Variants in ZNF385D observed in about 807,000 individuals in gnomAD.
The protein encoded by ZNF385D is zinc finger protein 659.
A neutral mutation model predicts 35.8 loss-of-function variants in ZNF385D; 15 were observed. The ratio of observed to expected loss-of-function variants is 0.42; its 90% confidence interval spans 0.28 to 0.64. ZNF385D has a LOEUF of 0.64. ZNF385D is among the 30% of genes least tolerant of loss of function. The pLI is 0.23. For missense variants in ZNF385D, 474 were observed against 494.6 expected (o/e 0.96, Z 0.39); for synonymous variants, 212 against 186.8 (o/e 1.13, Z -1.10).
intron 1 of ZNF385D, among the ~76,000 whole-genome samples, chr3:21,740,388 A>G (rs2069454452): frequency 6.6e-6 from 1 of 152,182 alleles, no homozygotes; most frequent in Admixed American, 6.5e-5. Context: ...GTCAGGATCT[A>G]TATTATAATA....
chr3:21,786,149 G>C (rs549889071), intron 3 of ZNF385D, among the ~76,000 whole-genome samples: 30 of 152,134 alleles, frequency 2.0e-4, no homozygotes, highest in African/African-American at 6.5e-4. Flanking sequence ...AACGTAAACA[G>C]AACTGGGACT....
chr3:21,848,855 C>T (rs1373143254), intron 3 of ZNF385D, among the ~76,000 whole-genome samples: 1 of 151,976 alleles, frequency 6.6e-6, no homozygotes, highest in Non-Finnish European at 1.5e-5. Flanking sequence ...AGACTCTAAA[C>T]GTGCTGGCAG....
At chr3:22,277,041 A>G (rs1380954154) in intron 2 of ZNF385D, among the ~76,000 whole-genome samples, 2 of 152,152 alleles carry the variant, frequency 1.3e-5, no homozygotes, top group Non-Finnish European at 2.9e-5. Context: ...CTATTTCCAT[A>G]TCTGTGCTTA....
intron 4 of ZNF385D, among the ~76,000 whole-genome samples, chr3:21,454,150 A>T (rs1702632787): frequency 1.3e-5 from 2 of 152,110 alleles, no homozygotes; most frequent in African/African-American, 2.4e-5. Flanking sequence ...GAATAAGAAC[A>T]TTCATAGAGA....
intron 2 of ZNF385D, among the ~76,000 whole-genome samples, chr3:21,619,013 C>T (rs1388077474): frequency 1.3e-5 from 2 of 152,130 alleles, no homozygotes. Context: ...AAGGAGTGAA[C>T]TTCTCACATC....
chr3:21,950,087 G>A (rs1374885734), intron 3 of ZNF385D, among the ~76,000 whole-genome samples: 2 of 151,856 alleles, frequency 1.3e-5, no homozygotes, highest in East Asian at 3.9e-4. Context: ...TGGGATTGTT[G>A]AGTTAAATGG....
intron 3 of ZNF385D, among the ~76,000 whole-genome samples, chr3:21,868,430 A>G (rs774802290): frequency 6.6e-6 from 1 of 152,154 alleles, no homozygotes; most frequent in Non-Finnish European, 1.5e-5. Context: ...CACTGCTACT[A>G]CAAGCACTTG....
intron 2 of ZNF385D, among the ~76,000 whole-genome samples, chr3:22,188,860 T>A (rs1022097938): frequency 1.3e-5 from 2 of 152,170 alleles, no homozygotes; most frequent in Non-Finnish European, 2.9e-5. Flanking sequence ...TTCTTTTCTC[T>A]TTAGGACTGG....
chr3:21,543,302 C>A (rs1429858438), intron 3 of ZNF385D, among the ~76,000 whole-genome samples: 5 of 152,260 alleles, frequency 3.3e-5, no homozygotes, highest in South Asian at 2.1e-4. Context: ...GCGACAAGAG[C>A]GGGACTATCT....
At chr3:22,232,583 C>G (rs942412047) in intron 2 of ZNF385D, among the ~76,000 whole-genome samples, 2 of 152,136 alleles carry the variant, frequency 1.3e-5, no homozygotes, top group Non-Finnish European at 2.9e-5. Context: ...GTTCCCCTCC[C>G]TGTGACCATG....
chr3:21,689,130 CAAAAAAAAAAA>C (rs5847126), intron 1 of ZNF385D, among the ~76,000 whole-genome samples: 1 of 114,342 alleles, frequency 8.7e-6, no homozygotes, highest in Admixed American at 9.2e-5. Flanking sequence ...CTTATTGAAG[CAAAAAAAAAAA>C]AAAAAAAAAA....
At position 21,421,431 on chromosome 3, in the gene ZNF385D, G is replaced by A; in HGVS notation, c.971C>T (p.Ser324Leu). The change falls in exon 8 of 8, where the codon TCA becomes TTA. Residue 324 changes from serine to leucine, a missense_variant. Physicochemically the swap from Ser to Leu is moderately radical, Grantham distance 145 (BLOSUM62 -2). Transcript: ENST00000281523. Reference sequence around the variant, plus strand: ...AGCCAATGGCTTTGAAGGTTCTTTTGAAAATACTAATTTTACCTGCAAGGG... The same window carrying A: ...AGCCAATGGCTTTGAAGGTTCTTTTAAAAATACTAATTTTACCTGCAAGGG... ...AHPLGVKLVF[S>L]KEPSKPLAPR... The A allele has an allele frequency of 6.2e-7, 1 of 1,611,990 alleles. No homozygotes were observed. The highest frequency in any genetic ancestry group is 8.5e-7 in the Non-Finnish European group (1 of 1,178,638).
intron 3 of ZNF385D, among the ~76,000 whole-genome samples, chr3:22,020,123 G>A (rs973161460): frequency 9.9e-5 from 15 of 151,628 alleles, no homozygotes; most frequent in Non-Finnish European, 1.3e-4. Flanking sequence ...GTATATGGAC[G>A]CTCAGAAAAT....
chr3:21,995,591 T>C (rs1695413037), intron 3 of ZNF385D, among the ~76,000 whole-genome samples: 1 of 151,814 alleles, frequency 6.6e-6, no homozygotes, highest in Non-Finnish European at 1.5e-5. Flanking sequence ...GGCAGGTCTT[T>C]CTTCAGGTCC....
intron 3 of ZNF385D, among the ~76,000 whole-genome samples, chr3:21,985,305 G>T (rs1694743548): frequency 1.0e-5 from 1 of 98,940 alleles, no homozygotes; most frequent in Admixed American, 8.8e-5. Flanking sequence ...CTGTGGGTTT[G>T]TCATAGATAG....
At chr3:22,028,681 T>A (rs116231285) in intron 3 of ZNF385D, among the ~76,000 whole-genome samples, 193 of 152,324 alleles carry the variant, frequency 1.3e-3, no homozygotes, top group African/African-American at 4.4e-3. Context: ...TTATCCATGA[T>A]CATGGTATTC....
chr3:21,982,547 C>A (rs937364549), intron 3 of ZNF385D, among the ~76,000 whole-genome samples: 1 of 152,140 alleles, frequency 6.6e-6, no homozygotes, highest in Non-Finnish European at 1.5e-5. Flanking sequence ...AGTTTGACTT[C>A]CTCTCTTCCT....
intron 3 of ZNF385D, among the ~76,000 whole-genome samples, chr3:22,123,962 C>CTCTCTCTCTCTCTCTA (rs1491571691): frequency 8.1e-5 from 5 of 61,840 alleles, no homozygotes; most frequent in African/African-American, 3.0e-4. Context: ...CTCTCTCTCT[C>CTCTCTCTCTCTCTCTA]TATATATATA....
chr3:22,199,080 A>T (rs1696611780), intron 2 of ZNF385D, among the ~76,000 whole-genome samples: 1 of 151,928 alleles, frequency 6.6e-6, no homozygotes, highest in African/African-American at 2.4e-5. Context: ...CTCTTTTGTA[A>T]CTCTCAGAAT....
Sources: gnomAD v4.1 joint callset for allele counts (sites outside exome capture counted in the v4.1 genomes callset) on GRCh38, gnomAD v4.1.1 for gene constraint, MANE v1.5 for transcripts, NCBI Gene and HGNC (gene_info 2026-07-23, HGNC 2026-07-21) for gene names.